The following IL1RAPL1 variants were observed in gnomAD, a reference collection of about 807,000 sequenced individuals.
The protein encoded by IL1RAPL1 is interleukin-1 receptor accessory protein-like 1.
Under a neutral mutation model 48.4 loss-of-function variants are expected in IL1RAPL1, and 3 were observed. That is an observed-to-expected ratio of 0.06 (90% CI 0.03 to 0.16). The LOEUF (loss-of-function observed/expected upper bound fraction) is 0.16, where lower values mean the gene tolerates loss of function less well. Ranked by LOEUF, IL1RAPL1 falls within the 10% of genes least tolerant of loss-of-function variation. The pLI, the probability that IL1RAPL1 is intolerant of heterozygous loss-of-function variation, is 1.00. For synonymous variants in IL1RAPL1, 185 were observed against 187.7 expected (o/e 0.99, Z 0.12); for missense variants, 349 against 530.6 (o/e 0.66, Z 3.36).
intron 2 of IL1RAPL1, among the ~76,000 whole-genome samples, chrX:28,938,266 A>G (rs925026558): frequency 1.8e-5 from 2 of 111,776 alleles, no homozygotes; most frequent in African/African-American, 6.5e-5. Flanking sequence ...ACTTCAAGCT[A>G]TACAACAGAG....
chrX:29,870,947 G>A (rs6630972), intron 6 of IL1RAPL1, among the ~76,000 whole-genome samples: 4,499 of 112,095 alleles, frequency 0.04, 232 homozygotes, highest in African/African-American at 0.14. Flanking sequence ...CTCGTCTTAC[G>A]GTTCAGTAGG....
intron 3 of IL1RAPL1, among the ~76,000 whole-genome samples, chrX:29,293,774 G>A (rs192507138): frequency 1.5e-3 from 163 of 111,268 alleles, no homozygotes; most frequent in African/African-American, 5.2e-3. Context: ...TTTATTGGTG[G>A]CTATACAGGG....
chrX:28,642,380 C>G (rs1934556419), intron 1 of IL1RAPL1, among the ~76,000 whole-genome samples: 1 of 112,014 alleles, frequency 8.9e-6, no homozygotes, highest in Non-Finnish European at 1.9e-5. Context: ...TACCACATCG[C>G]AGTTATTCTA....
Position 28,757,380 on chromosome X carries a change from T to G in IL1RAPL1, c.-24-31940T>G. Among the ~76,000 whole-genome samples the G allele has an allele frequency of 3.5e-5, 4 of 112,807 alleles. No homozygotes were observed. In the South Asian group the frequency reaches 1.4e-3, roughly 41 times the overall value. ...TGTTCTTAAAGGTTTGTTAGTTTTT[T>G]ATCAAATCACAGCTTGATTTATTTC... On this transcript the variant is annotated intron_variant, in intron 1 of 10. Transcript: ENST00000378993.
chrX:29,182,615 A>G (rs1930168515), intron 2 of IL1RAPL1, among the ~76,000 whole-genome samples: 1 of 108,183 alleles, frequency 9.2e-6, no homozygotes, highest in Non-Finnish European at 1.9e-5. Context: ...CTAAAGAGGC[A>G]TCCCAAAGTC....
At chrX:28,643,550 A>G (rs1438240562) in intron 1 of IL1RAPL1, among the ~76,000 whole-genome samples, 3 of 110,915 alleles carry the variant, frequency 2.7e-5, no homozygotes, top group Non-Finnish European at 5.7e-5. Context: ...CCACACTACC[A>G]TTCCTTTCTT....
chrX:29,907,795 C>T (rs1044348696), intron 6 of IL1RAPL1, among the ~76,000 whole-genome samples: 25 of 111,524 alleles, frequency 2.2e-4, no homozygotes, highest in Admixed American at 2.2e-3. Flanking sequence ...TCTTATTGGA[C>T]TTTTATTAGC....
At chrX:29,683,762 G>A (rs1199611746) in intron 6 of IL1RAPL1, among the ~76,000 whole-genome samples, 2 of 111,200 alleles carry the variant, frequency 1.8e-5, no homozygotes, top group African/African-American at 3.2e-5. Flanking sequence ...CCACTGTTAA[G>A]AGAGTCTATG....
intron 10 of IL1RAPL1, 64 bp from the exon 11 acceptor site, chrX:29,955,038 A>T: frequency 1.1e-6 from 1 of 901,194 alleles, no homozygotes; most frequent in Non-Finnish European, 1.6e-6. Context: ...AAGAGAATCT[A>T]CTAGGACTTT....
At chrX:29,088,811 TAAAC>T (rs758948710) in intron 2 of IL1RAPL1, among the ~76,000 whole-genome samples, 99 of 110,768 alleles carry the variant, frequency 8.9e-4, no homozygotes, top group Non-Finnish European at 1.3e-3. Context: ...AATAAATTCT[TAAAC>T]AATTATATTT....
intron 2 of IL1RAPL1, among the ~76,000 whole-genome samples, chrX:29,161,336 G>T (rs1270870375): frequency 1.8e-5 from 2 of 111,703 alleles, no homozygotes; most frequent in Non-Finnish European, 3.8e-5. Flanking sequence ...TACTGAAATA[G>T]TGTATTCAAA....
chrX:29,350,258 C>A (rs1169948106), intron 3 of IL1RAPL1, among the ~76,000 whole-genome samples: 1 of 82,953 alleles, frequency 1.2e-5, no homozygotes, highest in African/African-American at 5.5e-5. Flanking sequence ...ATACACCCCC[C>A]CCCCCACCTG....
intron 5 of IL1RAPL1, among the ~76,000 whole-genome samples, chrX:29,556,978 T>C (rs993089732): frequency 2.6e-4 from 29 of 111,691 alleles, no homozygotes; most frequent in African/African-American, 9.4e-4. Flanking sequence ...TTGTTTTTGA[T>C]TTAGGATTGA....
At chrX:29,883,829 CTT>C (rs1438921782) in intron 6 of IL1RAPL1, among the ~76,000 whole-genome samples, 2 of 112,345 alleles carry the variant, frequency 1.8e-5, no homozygotes, top group African/African-American at 3.2e-5. Context: ...TGTGCAAAGA[CTT>C]TTCTTTGACG....
chrX:28,831,245 G>A (rs1426770431), intron 2 of IL1RAPL1, among the ~76,000 whole-genome samples: 1 of 96,158 alleles, frequency 1.0e-5, no homozygotes, highest in East Asian at 3.2e-4. Context: ...AAATATTTCA[G>A]AGCTTTGCAA....
intron 1 of IL1RAPL1, among the ~76,000 whole-genome samples, chrX:28,692,234 C>T (rs1337843147): frequency 9.0e-6 from 1 of 111,494 alleles, no homozygotes; most frequent in African/African-American, 3.3e-5. Context: ...AAACACCTCC[C>T]ATCAGGCTCC....
chrX:28,721,716 T>C (rs1474454669), intron 1 of IL1RAPL1, among the ~76,000 whole-genome samples: 2 of 111,584 alleles, frequency 1.8e-5, no homozygotes, highest in Non-Finnish European at 3.8e-5. Context: ...TCTAGGGTTT[T>C]TATGGTTTTA....
chrX:29,622,627 A>G (rs2147074984), intron 5 of IL1RAPL1, among the ~76,000 whole-genome samples: 1 of 111,659 alleles, frequency 9.0e-6, no homozygotes, highest in East Asian at 2.8e-4. Context: ...TCACCTTAGC[A>G]TGTCACTTCA....
At chrX:29,056,643 T>A (rs956903188) in intron 2 of IL1RAPL1, among the ~76,000 whole-genome samples, 1 of 111,757 alleles carries the variant, frequency 8.9e-6, no homozygotes, top group African/African-American at 3.3e-5. Flanking sequence ...CTTATTTTAT[T>A]TTATGTTCCA....
Sources: allele counts gnomAD v4.1 joint callset (sites outside exome capture counted in the v4.1 genomes callset), GRCh38; gene constraint gnomAD v4.1.1; transcripts MANE v1.5; gene names NCBI Gene and HGNC (gene_info 2026-07-23, HGNC 2026-07-21).